Variants in RAB3IP observed in about 807,000 individuals in gnomAD.
RAB3IP encodes rab-3A-interacting protein.
A neutral mutation model predicts 59.1 loss-of-function variants in RAB3IP; 36 were observed. The observed-to-expected ratio is 0.61, with a 90% confidence interval of 0.47 to 0.80. The LOEUF is 0.80. Among genes scored for constraint, RAB3IP ranks in the 30% least tolerant of loss-of-function variants. RAB3IP has a pLI of 0.00. For missense variants in RAB3IP, 511 were observed against 536.0 expected, an observed-to-expected ratio of 0.95 and a Z score of 0.46; for synonymous variants, 207 against 191.2, an observed-to-expected ratio of 1.08 and a Z score of -0.68.
chr12:69,744,084 G>A (rs1038686693), intron 1 of RAB3IP, among the ~76,000 whole-genome samples: 5 of 151,670 alleles, frequency 3.3e-5, no homozygotes, highest in Non-Finnish European at 7.4e-5. Context: ...TTGCTGCACC[G>A]GTCAACCCAT....
At position 69,756,520 on chromosome 12, in the gene RAB3IP, A is replaced by G. The variant is rs901292608; in HGVS notation, c.367A>G (p.Thr123Ala). Residue 123 changes from threonine (T) to alanine (A), a missense_variant, in exon 3 of 11, where the codon ACT becomes GCT. By Grantham distance (58) the Thr-to-Ala change is moderately conservative (BLOSUM62 0). Transcript: ENST00000247833. ...AGAGAGAGAGTTTTTACAGGGTGCT[A>G]CTATAACAGAGGCTTGCGATGGCAG... ...NAEREFLQGA[T>A]ITEACDGSDD... 12 of 1,614,024 alleles carry G rather than the reference A, an allele frequency of 7.4e-6. No homozygotes were observed. Among genetic ancestry groups the G allele is most frequent in the African/African-American group, 1.3e-5 (1 of 74,916 alleles).
chr12:69,801,329 A>G lies in RAB3IP; in HGVS notation c.1018-280A>G, dbSNP rs374621103. On this transcript the variant is annotated intron_variant, in intron 7 of 10. Transcript: ENST00000247833. ...GAAGTGGCATTAACTGTGGATATTA[A>G]TCGTGGGTAAGGAGTGAACAGAGAC... Among the ~76,000 whole-genome samples, 45 of 152,320 alleles carry G rather than the reference A, an allele frequency of 3.0e-4. No homozygotes were observed. The South Asian group carries it at 9.1e-3, about 31-fold the overall frequency.
chr12:69,818,957 C>T lies in RAB3IP; in HGVS notation c.*3511C>T, dbSNP rs949342228. ...GGGTGTAGTGGTGCGTGCTTATAGT[C>T]CCAGCTACTTGGGAGTCTGAGATAG... On this transcript the variant is annotated 3_prime_UTR_variant, in exon 11 of 11. Coordinates refer to ENST00000247833, the MANE Select transcript of RAB3IP (RefSeq NM_022456.5). 1 of 152,058 alleles carries T rather than the reference C, an allele frequency of 6.6e-6. No homozygotes were observed. Among genetic ancestry groups the T allele is most frequent in the African/African-American group, 2.4e-5 (1 of 41,370 alleles). The allele number at this position is 152,058 out of a possible 1,614,324, so 9.4% of individuals were successfully genotyped here.
chr12:69,747,793 G>C (rs75025556), intron 1 of RAB3IP, among the ~76,000 whole-genome samples: 4 of 152,092 alleles, frequency 2.6e-5, no homozygotes, highest in African/African-American at 9.7e-5. Context: ...AGGATTATTT[G>C]ATCCAATTCT....
Position 69,784,770 on chromosome 12 carries a change from TC to T in RAB3IP, c.562del (p.Gln188AsnfsTer21). On this transcript the variant is annotated frameshift_variant, in exon 4 of 11. Coordinates refer to ENST00000247833, the MANE Select transcript of RAB3IP (RefSeq NM_022456.5). LOFTEE classifies it high-confidence loss of function. Reference sequence around the variant, plus strand: ...GTGAGAGGCTTTCAAAAGTGCGAGATCAACTTGGACAGGAATTGGAAGAACT... The same window carrying T: ...GTGAGAGGCTTTCAAAAGTGCGAGATAACTTGGACAGGAATTGGAAGAACT... ...ECERLSKVRD[Q>X]LGQELEELTA... 6.2e-7 allele frequency: 1 copy of T among 1,610,396 alleles called. No homozygotes were observed. The highest frequency in any genetic ancestry group is 8.5e-7 in the Non-Finnish European group (1 of 1,177,922).
chr12:69,804,191 C>G (rs912154174), intron 8 of RAB3IP, among the ~76,000 whole-genome samples: 19 of 152,200 alleles, frequency 1.2e-4, no homozygotes, highest in African/African-American at 3.1e-4. Flanking sequence ...GATCGCCATT[C>G]TAACTGGTGT....
In RAB3IP at chr12:69,765,450, G is replaced by T. The variant is rs575134490; in HGVS notation, c.510+8787G>T. 8.4e-4 allele frequency among the ~76,000 whole-genome samples: 128 copies of T among 152,288 alleles called. 1 individual carries two copies. Among genetic ancestry groups the T allele is most frequent in the African/African-American group, 2.7e-3 (113 of 41,550 alleles). On this transcript the variant is annotated intron_variant, in intron 3 of 10. Coordinates refer to ENST00000247833, the MANE Select transcript of RAB3IP (RefSeq NM_022456.5). ...TGTTGTGAATCACATTTATTGACTT[G>T]TGTATATTGAACCAGTCTTGCATCC...
chr12:69,790,334 A>G (rs1489184454), intron 4 of RAB3IP, among the ~76,000 whole-genome samples: 1 of 152,224 alleles, frequency 6.6e-6, no homozygotes, highest in Non-Finnish European at 1.5e-5. Flanking sequence ...AGAATAAAAT[A>G]CTTAGGAATA....
Position 69,795,203 on chromosome 12 carries a change from A to G in RAB3IP, c.747A>G (p.Thr249=), listed in dbSNP as rs1877249925. The G allele has an allele frequency of 1.9e-6, 3 of 1,613,972 alleles. No individual in the cohort carries two copies. In the African/African-American group the frequency reaches 4.0e-5, roughly 22 times the overall value. ...LKTLVLSSSP[T]SPTQEPLPGG... Reference sequence around the variant, plus strand: ...CACTTGTATTGTCCAGTTCTCCAACATCACCTACGCAGGAGCCTTTGCCAG... The same window carrying G: ...CACTTGTATTGTCCAGTTCTCCAACGTCACCTACGCAGGAGCCTTTGCCAG... The change falls in exon 6 of 11, where the codon ACA becomes ACG. Residue 249 remains threonine, a synonymous_variant. Coordinates refer to ENST00000247833, the MANE Select transcript of RAB3IP (RefSeq NM_022456.5).
At chr12:69,744,429 G>A (rs1887649466) in intron 1 of RAB3IP, among the ~76,000 whole-genome samples, 3 of 152,128 alleles carry the variant, frequency 2.0e-5, no homozygotes, top group African/African-American at 7.2e-5. Flanking sequence ...GTACATTGAA[G>A]TGTTGTGGAA....
intron 3 of RAB3IP, among the ~76,000 whole-genome samples, chr12:69,758,345 C>A (rs1265189733): frequency 6.6e-6 from 1 of 151,932 alleles, no homozygotes; most frequent in East Asian, 1.9e-4. Context: ...TTAAATTTAC[C>A]ATCTTACTGT....
intron 8 of RAB3IP, among the ~76,000 whole-genome samples, chr12:69,803,743 C>T (rs914181984): frequency 4.0e-5 from 6 of 151,836 alleles, no homozygotes; most frequent in African/African-American, 1.5e-4. Flanking sequence ...TGAGAATGTG[C>T]GGTGTTTGGT....
chr12:69,768,892 C>G (rs1011649711), intron 3 of RAB3IP, among the ~76,000 whole-genome samples: 2 of 152,090 alleles, frequency 1.3e-5, no homozygotes, highest in Non-Finnish European at 2.9e-5. Context: ...TGGCTGACTT[C>G]GTATGTACCC....
At chr12:69,749,768 C>T (rs575960534) in intron 1 of RAB3IP, among the ~76,000 whole-genome samples, 4 of 152,260 alleles carry the variant, frequency 2.6e-5, no homozygotes, top group South Asian at 2.1e-4. Flanking sequence ...TTGTCCTTCC[C>T]GTGTGGTCTC....
chr12:69,772,934 T>C (rs1231481641), intron 3 of RAB3IP, among the ~76,000 whole-genome samples: 2 of 152,216 alleles, frequency 1.3e-5, no homozygotes, highest in East Asian at 1.9e-4. Flanking sequence ...AGCATTCTTT[T>C]CTTTCAGATT....
intron 3 of RAB3IP, among the ~76,000 whole-genome samples, chr12:69,762,756 C>CAAAAAA (rs11445702): frequency 4.3e-3 from 327 of 76,610 alleles, no homozygotes; most frequent in East Asian, 0.014. Flanking sequence ...GACTCCGTCT[C>CAAAAAA]AAAAAAAAAA....
intron 4 of RAB3IP, 40 bp from the exon 5 acceptor site, chr12:69,794,397 G>C: frequency 6.6e-7 from 1 of 1,519,662 alleles, no homozygotes; most frequent in East Asian, 2.3e-5. Flanking sequence ...GAAAACAAAT[G>C]CTACTTTGTT....
chr12:69,794,864 C>T (rs967485124), intron 5 of RAB3IP, among the ~76,000 whole-genome samples: 4 of 152,112 alleles, frequency 2.6e-5, no homozygotes, highest in Non-Finnish European at 5.9e-5. Flanking sequence ...TACAACTAAT[C>T]ATAAGCTATT....
intron 3 of RAB3IP, among the ~76,000 whole-genome samples, chr12:69,779,460 C>G (rs1874255165): frequency 6.6e-6 from 1 of 151,944 alleles, no homozygotes; most frequent in Non-Finnish European, 1.5e-5. Context: ...TTTCTTTATT[C>G]CCTCTTGAAC....
Sources: gnomAD v4.1 joint callset for allele counts (sites outside exome capture counted in the v4.1 genomes callset) on GRCh38, gnomAD v4.1.1 for gene constraint, MANE v1.5 for transcripts, NCBI Gene and HGNC (gene_info 2026-07-23, HGNC 2026-07-21) for gene names.